Variants in DEPTOR observed in about 807,000 individuals in gnomAD.
DEPTOR encodes the protein DEP domain-containing mTOR-interacting protein.
DEPTOR carries 41 observed loss-of-function variants against 41.6 expected under a neutral mutation model. That is an observed-to-expected ratio of 0.98 (90% CI 0.77 to 1.28). The LOEUF (loss-of-function observed/expected upper bound fraction) is 1.28, where lower values mean the gene tolerates loss of function less well. Among genes scored for constraint, DEPTOR ranks in the 50% most tolerant of loss-of-function variants. The pLI is 0.00. For synonymous variants in DEPTOR, 195 were observed against 192.3 expected (o/e 1.01, Z -0.12); for missense variants, 514 against 527.9 (o/e 0.97, Z 0.26).
chr8:119,948,411 CAA>C (rs1423503572), intron 3 of DEPTOR, among the ~76,000 whole-genome samples: 1 of 149,944 alleles, frequency 6.7e-6, no homozygotes, highest in African/African-American at 2.5e-5. Flanking sequence ...GACTCTGTCT[CAA>C]AAAATAAAAT....
intron 3 of DEPTOR, among the ~76,000 whole-genome samples, chr8:119,955,785 G>T (rs920682683): frequency 1.3e-5 from 2 of 152,100 alleles, no homozygotes; most frequent in African/African-American, 4.8e-5. Flanking sequence ...TTTATATAAG[G>T]CATGAGGTAT....
At position 119,965,875 on chromosome 8, in the gene DEPTOR, C is replaced by T. The variant is rs111242251; in HGVS notation, c.604+465C>T. On this transcript the variant is annotated intron_variant, in intron 4 of 8. Coordinates refer to ENST00000286234, the MANE Select transcript of DEPTOR (RefSeq NM_022783.4). ...CACAGTGAAGAGTTAAGCCAAAGAG[C>T]CTTCATAAAAGTATCACTTTCCGTT... Among the ~76,000 whole-genome samples, 515 of 152,206 alleles carry T rather than the reference C, an allele frequency of 3.4e-3. 3 individuals carry two copies. The highest frequency in any genetic ancestry group is 0.012 in the African/African-American group (495 of 41,538).
At chr8:120,021,398 C>A (rs1036591786) in intron 8 of DEPTOR, among the ~76,000 whole-genome samples, 1 of 152,124 alleles carries the variant, frequency 6.6e-6, no homozygotes, top group South Asian at 2.1e-4. Context: ...AGTGAAATTT[C>A]GTCTCAAAAA....
rs752256901 is a variant in DEPTOR at position 120,049,574 on chromosome 8, A to G, written c.1102-2A>G. ...TGCTCTTTCTTTGCATCTTTCCTTT[A>G]GGTCTGTCAGTTTGTCGTCTCTGTC... is the stretch of plus-strand genomic sequence containing the variant. On this transcript the variant is annotated splice_acceptor_variant, in intron 8 of 8. Transcript: ENST00000286234. LOFTEE classifies it high-confidence loss of function. 6.2e-7 allele frequency: 1 copy of G among 1,613,014 alleles called. No individual in the cohort carries two copies. Among genetic ancestry groups the G allele is most frequent in the Non-Finnish European group, 8.5e-7 (1 of 1,179,326 alleles).
At chr8:119,975,594 C>T (rs1029880778) in intron 4 of DEPTOR, among the ~76,000 whole-genome samples, 7 of 152,092 alleles carry the variant, frequency 4.6e-5, no homozygotes, top group Non-Finnish European at 7.4e-5. Context: ...GTGGAGATAA[C>T]AAACTTGATT....
At chr8:120,026,567 T>A (rs1014784235) in intron 8 of DEPTOR, among the ~76,000 whole-genome samples, 23 of 152,092 alleles carry the variant, frequency 1.5e-4, no homozygotes, top group Non-Finnish European at 2.1e-4. Flanking sequence ...GGTGTCGAAC[T>A]CCTGACCTCC....
At chr8:119,954,845 G>GGTGTGTGTGTGTGTGTGTGT (rs10649943) in intron 3 of DEPTOR, among the ~76,000 whole-genome samples, 114 of 148,054 alleles carry the variant, frequency 7.7e-4, no homozygotes, top group African/African-American at 2.6e-3. Flanking sequence ...GGCAAATATT[G>GGTGTGTGTGTGTGTGTGTGT]GTGTGTGTGT....
At chr8:120,037,505 G>C (rs1225954205) in intron 8 of DEPTOR, among the ~76,000 whole-genome samples, 2 of 152,180 alleles carry the variant, frequency 1.3e-5, no homozygotes, top group Non-Finnish European at 1.5e-5. Context: ...TGTGACAAAT[G>C]GTGTGTGGGG....
intron 3 of DEPTOR, among the ~76,000 whole-genome samples, chr8:119,945,608 A>G (rs895789020): frequency 1.3e-5 from 2 of 152,204 alleles, no homozygotes; most frequent in African/African-American, 4.8e-5. Context: ...ATTAAAAATA[A>G]AAAAGTTAAA....
intron 3 of DEPTOR, among the ~76,000 whole-genome samples, chr8:119,941,468 AAC>A (rs1828203239): frequency 6.6e-6 from 1 of 152,154 alleles, no homozygotes; most frequent in Non-Finnish European, 1.5e-5. Flanking sequence ...AATATTTTAA[AAC>A]ACACAAAAAG....
intron 1 of DEPTOR, among the ~76,000 whole-genome samples, chr8:119,915,524 T>C (rs1003994923): frequency 8.5e-5 from 13 of 152,152 alleles, no homozygotes; most frequent in Non-Finnish European, 1.9e-4. Flanking sequence ...AAGCACTAGA[T>C]TAGCAACTTC....
intron 4 of DEPTOR, among the ~76,000 whole-genome samples, chr8:119,967,337 T>TATGA (rs1828575019): frequency 6.6e-6 from 1 of 151,370 alleles, no homozygotes; most frequent in Non-Finnish European, 1.5e-5. Context: ...GCCTCAGCCT[T>TATGA]CCAAAGTGCT....
At chr8:120,039,939 G>T (rs1443983876) in intron 8 of DEPTOR, among the ~76,000 whole-genome samples, 1 of 152,112 alleles carries the variant, frequency 6.6e-6, no homozygotes, top group Admixed American at 6.6e-5. Flanking sequence ...CTGCCTCTCG[G>T]TTCAAGCAAT....
chr8:120,007,078 C>T (rs1812450990), intron 7 of DEPTOR, among the ~76,000 whole-genome samples: 1 of 152,182 alleles, frequency 6.6e-6, no homozygotes, highest in South Asian at 2.1e-4. Flanking sequence ...ATTAATATAC[C>T]ATTTAAAAAT....
At chr8:120,001,768 G>A in intron 5 of DEPTOR, 58 bp downstream of exon 5, 4 of 1,537,328 alleles carry the variant, frequency 2.6e-6, no homozygotes, top group South Asian at 2.5e-5. Flanking sequence ...AAATAGTGGA[G>A]CCATGACTCA....
chr8:119,886,553 A>G (rs534697559), intron 1 of DEPTOR, among the ~76,000 whole-genome samples: 46 of 152,222 alleles, frequency 3.0e-4, no homozygotes, highest in African/African-American at 1.1e-3. Context: ...ATAGACACAT[A>G]CAGGAGTCAC....
chr8:119,998,959 AAAG>A (rs1554584321), intron 4 of DEPTOR, among the ~76,000 whole-genome samples: 57 of 151,648 alleles, frequency 3.8e-4, no homozygotes, highest in African/African-American at 9.4e-4. Flanking sequence ...AAAAAAAAAA[AAAG>A]AAGAAGAAGA....
chr8:119,991,337 A>G (rs1812170115), intron 4 of DEPTOR, among the ~76,000 whole-genome samples: 1 of 151,804 alleles, frequency 6.6e-6, no homozygotes, highest in Admixed American at 6.6e-5. Context: ...GTTTTTTGAA[A>G]CAGTGTCTCG....
At chr8:119,941,100 G>T (rs956459829) in intron 3 of DEPTOR, among the ~76,000 whole-genome samples, 2 of 151,988 alleles carry the variant, frequency 1.3e-5, no homozygotes, top group South Asian at 4.2e-4. Context: ...GGGGCTGGGC[G>T]TGGTGGCAGA....
Sources: gnomAD v4.1 joint callset for allele counts (sites outside exome capture counted in the v4.1 genomes callset) on GRCh38, gnomAD v4.1.1 for gene constraint, MANE v1.5 for transcripts, NCBI Gene and HGNC (gene_info 2026-07-23, HGNC 2026-07-21) for gene names.